Variants in UST observed in about 807,000 individuals in gnomAD.
UST encodes the protein uronyl 2-sulfotransferase.
Under a neutral mutation model 45.6 loss-of-function variants are expected in UST, and 21 were observed. The observed-to-expected ratio is 0.46, with a 90% CI of 0.33 to 0.66. The LOEUF is 0.66. Among genes scored for constraint, UST ranks in the 30% least tolerant of loss-of-function variants. UST has a pLI of 0.02. For missense variants in UST, 463 were observed against 512.4 expected (o/e 0.90, Z 0.93); for synonymous variants, 215 against 200.6 (o/e 1.07, Z -0.61).
rs149635479 is a variant in UST, at chr6:149,010,247, A to G, written c.682-8892A>G. Among the ~76,000 whole-genome samples the G allele has an allele frequency of 8.2e-3, 1,243 of 152,312 alleles. 8 individuals are homozygous for G. The highest frequency in any genetic ancestry group is 0.026 in the Admixed American group (395 of 15,292). On this transcript the variant is annotated intron_variant, in intron 5 of 7. Coordinates refer to ENST00000367463, the MANE Select transcript of UST (RefSeq NM_005715.3). ...GAAGCAACCAGTTTGTCTGTTAGCC[A>G]GTTTGACTCCATCAGGATGTGTTAT...
intron 7 of UST, among the ~76,000 whole-genome samples, chr6:149,065,635 G>C (rs1776719701): frequency 1.3e-5 from 2 of 152,128 alleles, no homozygotes; most frequent in African/African-American, 4.8e-5. Context: ...GTGACCTTGG[G>C]TAAGTTTCTA....
intron 5 of UST, among the ~76,000 whole-genome samples, chr6:149,017,293 C>T (rs943408081): frequency 4.0e-5 from 6 of 151,870 alleles, no homozygotes; most frequent in East Asian, 1.9e-4. Flanking sequence ...AGGAGAATGG[C>T]GTGAACCCGG....
intron 4 of UST, chr6:148,955,709 T>C (rs549636106): frequency 2.0e-5 from 3 of 152,274 alleles, no homozygotes; most frequent in Non-Finnish European, 2.9e-5. Flanking sequence ...AAGCGCTGCT[T>C]CCCTGATCCT....
chr6:149,061,403 C>CA (rs1289927300), intron 7 of UST, among the ~76,000 whole-genome samples: 5 of 152,202 alleles, frequency 3.3e-5, no homozygotes, highest in South Asian at 4.1e-4. Context: ...GCTATGTTTG[C>CA]AAAAAATGTT....
intron 1 of UST, among the ~76,000 whole-genome samples, chr6:148,838,175 G>A (rs766457452): frequency 6.6e-6 from 1 of 152,244 alleles, no homozygotes; most frequent in Non-Finnish European, 1.5e-5. Context: ...ACTCTCAGGA[G>A]GGGCCGTATG....
At chr6:148,857,371 A>G (rs1778224541) in intron 1 of UST, among the ~76,000 whole-genome samples, 1 of 152,184 alleles carries the variant, frequency 6.6e-6, no homozygotes. Flanking sequence ...AGTCATAGCC[A>G]TCCTTTAAGG....
At chr6:148,975,156 A>G (rs1780991931) in intron 5 of UST, among the ~76,000 whole-genome samples, 1 of 152,252 alleles carries the variant, frequency 6.6e-6, no homozygotes, top group Non-Finnish European at 1.5e-5. Flanking sequence ...AGCCGAGACC[A>G]GTCTTGATGA....
At chr6:148,816,768 T>C (rs1777363603) in intron 1 of UST, among the ~76,000 whole-genome samples, 1 of 148,418 alleles carries the variant, frequency 6.7e-6, no homozygotes, top group Admixed American at 6.6e-5. Context: ...ATTTATTTCC[T>C]TTTTTTGTAT....
intron 3 of UST, among the ~76,000 whole-genome samples, chr6:148,950,195 C>A (rs1243702082): frequency 6.6e-6 from 1 of 152,174 alleles, no homozygotes; most frequent in African/African-American, 2.4e-5. Flanking sequence ...GCACCCCTTC[C>A]CCCAGAGTTC....
At chr6:148,951,416 G>A (rs895848856) in intron 3 of UST, among the ~76,000 whole-genome samples, 10 of 152,110 alleles carry the variant, frequency 6.6e-5, no homozygotes, top group African/African-American at 1.9e-4. Flanking sequence ...CATCTTATTC[G>A]TGTTTTTATC....
In UST at chr6:148,861,264, G is replaced by C. The variant is rs1778306768; in HGVS notation, c.248-25722G>C. On this transcript the variant is annotated intron_variant, in intron 1 of 7. Transcript: ENST00000367463. ...TCCAGGAATTTATCCATTTCTTCTA[G>C]ATTTTCTAGTTTATTTGCGTAGAGG... Among the ~76,000 whole-genome samples, 3 of 152,156 alleles carry C rather than the reference G, an allele frequency of 2.0e-5. No homozygotes were observed. The South Asian group carries it at 6.2e-4, about 32-fold the overall frequency.
rs746968175 is a variant in UST, at chr6:148,862,910, T to A, written c.248-24076T>A. Among the ~76,000 whole-genome samples, 108 of 144,312 alleles carry A rather than the reference T, an allele frequency of 7.5e-4. No individual in the cohort carries two copies. The Middle Eastern group carries it at 0.01, about 14-fold the overall frequency. The allele number at this position is 144,312 out of a possible 152,430, so 94.7% of individuals were successfully genotyped here. A position where few individuals can be genotyped will look rare whatever the true frequency, so the allele number is the denominator to read the frequency against. On this transcript the variant is annotated intron_variant, in intron 1 of 7. Transcript: ENST00000367463. ...TTCCCTTTGTGGGTAACCTGACCTTTCTCTCTGGCGCCCTTAACATTTTTT... is the reference window on the plus strand; with the variant it reads ...TTCCCTTTGTGGGTAACCTGACCTTACTCTCTGGCGCCCTTAACATTTTTT...
At chr6:149,059,145 C>T (rs565535450) in intron 7 of UST, among the ~76,000 whole-genome samples, 1 of 152,238 alleles carries the variant, frequency 6.6e-6, no homozygotes, top group South Asian at 2.1e-4. Context: ...ACTGAAGCCA[C>T]CCCAGGACTC....
At chr6:148,834,067 T>G (rs537731161) in intron 1 of UST, among the ~76,000 whole-genome samples, 9 of 152,212 alleles carry the variant, frequency 5.9e-5, no homozygotes, top group Non-Finnish European at 1.2e-4. Flanking sequence ...GATATGTAAT[T>G]TTTTCCATTT....
intron 2 of UST, among the ~76,000 whole-genome samples, chr6:148,902,812 G>A (rs1241733135): frequency 6.6e-6 from 1 of 151,890 alleles, no homozygotes; most frequent in Non-Finnish European, 1.5e-5. Context: ...TTGCTCTACT[G>A]TCTAGAAGAG....
intron 1 of UST, 97 bp downstream of exon 1, chr6:148,747,774 C>G: frequency 7.2e-7 from 1 of 1,393,908 alleles, no homozygotes; most frequent in Non-Finnish European, 9.3e-7. Context: ...TGCCACCGCG[C>G]GCCGCCGCCG....
intron 7 of UST, among the ~76,000 whole-genome samples, chr6:149,055,757 A>G (rs1776552637): frequency 6.6e-6 from 1 of 152,204 alleles, no homozygotes; most frequent in South Asian, 2.1e-4. Context: ...GCTGGTGGTT[A>G]ATGGTCAGTG....
At chr6:149,046,250 T>C (rs1255495019) in intron 7 of UST, among the ~76,000 whole-genome samples, 1 of 152,230 alleles carries the variant, frequency 6.6e-6, no homozygotes, top group African/African-American at 2.4e-5. Context: ...CTCAGAGGCT[T>C]CTTTCTGTTG....
At chr6:148,942,968 GA>G (rs894619796) in intron 3 of UST, among the ~76,000 whole-genome samples, 1 of 152,128 alleles carries the variant, frequency 6.6e-6, no homozygotes, top group Non-Finnish European at 1.5e-5. Flanking sequence ...CCAAAGAAAA[GA>G]ATGATCTTTG....
Sources: gnomAD v4.1 joint callset for allele counts (sites outside exome capture counted in the v4.1 genomes callset) on GRCh38, gnomAD v4.1.1 for gene constraint, MANE v1.5 for transcripts, NCBI Gene and HGNC (gene_info 2026-07-23, HGNC 2026-07-21) for gene names.